Variants in ARHGEF3 observed in about 807,000 individuals in gnomAD.
ARHGEF3 encodes the protein Rho guanine nucleotide exchange factor 3, also known as 59.8 kDA protein.
ARHGEF3 carries 28 observed loss-of-function variants against 63.2 expected under a neutral mutation model. The observed-to-expected ratio is 0.44, with a 90% CI of 0.33 to 0.61. The LOEUF (loss-of-function observed/expected upper bound fraction) is 0.61, where lower values mean the gene tolerates loss of function less well. Ranked by LOEUF, ARHGEF3 falls within the 20% of genes least tolerant of loss-of-function variation. The pLI, the probability that ARHGEF3 is intolerant of heterozygous loss-of-function variation, is 0.03. For missense variants in ARHGEF3, 533 were observed against 659.3 expected, an observed-to-expected ratio of 0.81 and a Z score of 2.10; for synonymous variants, 266 against 254.2, an observed-to-expected ratio of 1.05 and a Z score of -0.44.
At chr3:56,961,717 G>C (rs1239609013) in intron 2 of ARHGEF3, among the ~76,000 whole-genome samples, 2 of 151,924 alleles carry the variant, frequency 1.3e-5, no homozygotes, top group Admixed American at 6.6e-5. Context: ...CACCATTCAG[G>C]CTTCCGGTCA....
At chr3:56,953,482 CCCTTTTGGTAACAACA>C (rs1699905286) in intron 3 of ARHGEF3, among the ~76,000 whole-genome samples, 1 of 152,210 alleles carries the variant, frequency 6.6e-6, no homozygotes, top group South Asian at 2.1e-4. Context: ...GAAACAGAGT[CCCTTTTGGTAACAACA>C]CCAAACTCTT....
intron 3 of ARHGEF3, among the ~76,000 whole-genome samples, chr3:56,884,442 A>G (rs982594047): frequency 2.6e-5 from 4 of 152,240 alleles, no homozygotes; most frequent in Non-Finnish European, 1.5e-5. Flanking sequence ...CCAAAGGTCA[A>G]TATGGTCCTA....
intron 4 of ARHGEF3, among the ~76,000 whole-genome samples, chr3:56,814,950 AAGACCT>A (rs2038212612): frequency 6.6e-6 from 1 of 152,072 alleles, no homozygotes; most frequent in Admixed American, 6.6e-5. Context: ...GCCACAAAGT[AAGACCT>A]CATCTCTACA....
intron 2 of ARHGEF3, chr3:56,960,855 T>G (rs896803007): frequency 6.6e-6 from 1 of 152,236 alleles, no homozygotes; most frequent in Non-Finnish European, 1.5e-5. Flanking sequence ...TAAAACAAAA[T>G]TTTTGGATTT....
intron 4 of ARHGEF3, among the ~76,000 whole-genome samples, chr3:56,808,644 T>A (rs1266124014): frequency 1.1e-5 from 1 of 93,842 alleles, no homozygotes; most frequent in South Asian, 2.5e-4. Flanking sequence ...AATTAGCAAA[T>A]TTTTTTGTTT....
chr3:56,960,858 T>C (rs1462316132), intron 2 of ARHGEF3: 2 of 152,226 alleles, frequency 1.3e-5, no homozygotes, highest in African/African-American at 4.8e-5. Context: ...AACAAAATTT[T>C]TGGATTTCAA....
chr3:56,816,132 T>C (rs1459134130), intron 4 of ARHGEF3, among the ~76,000 whole-genome samples: 1 of 152,170 alleles, frequency 6.6e-6, no homozygotes, highest in Non-Finnish European at 1.5e-5. Flanking sequence ...AGAGGATGGC[T>C]TGAGCCCAGG....
In ARHGEF3 at chr3:56,801,700, T is replaced by C; in HGVS notation, c.96+3A>G. The C allele has an allele frequency of 6.4e-7, 1 of 1,556,222 alleles. No individual in the cohort carries two copies. Among genetic ancestry groups the C allele is most frequent in the African/African-American group, 1.4e-5 (1 of 73,646 alleles). The stretch of plus-strand genomic sequence containing the variant: ...GAGGTCCAGGTGCAGGGCGCGGCCC[T>C]ACCTCAGCGTCCTTGGCCGGACCGC... On this transcript the variant is annotated splice_donor_region_variant and intron_variant, in intron 1 of 9. Coordinates refer to ENST00000296315, the MANE Select transcript of ARHGEF3 (RefSeq NM_019555.3).
rs943525345 is a variant in ARHGEF3 at position 56,782,020 on chromosome 3, G to A, written c.97-8204C>T. The stretch of plus-strand genomic sequence containing the variant: ...TGAGGAGGCCTTCATAGAGCTGCCT[G>A]AGCAAAGGAGGAGTAAGACTGTGGG... On this transcript the variant is annotated intron_variant, in intron 1 of 9. Coordinates refer to ENST00000296315, the MANE Select transcript of ARHGEF3 (RefSeq NM_019555.3). Among the ~76,000 whole-genome samples, 6 of 152,312 alleles carry A rather than the reference G, an allele frequency of 3.9e-5. 2 individuals carry two copies. The highest frequency in any genetic ancestry group is 6.5e-5 in the Admixed American group (1 of 15,296).
intron 1 of ARHGEF3, among the ~76,000 whole-genome samples, chr3:56,781,157 G>T (rs1326791161): frequency 2.0e-5 from 3 of 152,124 alleles, no homozygotes; most frequent in African/African-American, 7.2e-5. Flanking sequence ...ATGAAGGATT[G>T]CCAGCAAACA....
intron 4 of ARHGEF3, among the ~76,000 whole-genome samples, chr3:56,813,131 T>A (rs1055731645): frequency 6.6e-6 from 1 of 151,920 alleles, no homozygotes; most frequent in East Asian, 1.9e-4. Context: ...AATGAAAGAG[T>A]GCCCTGCAGG....
chr3:56,990,094 C>T (rs775532347), intron 2 of ARHGEF3, among the ~76,000 whole-genome samples: 1 of 152,252 alleles, frequency 6.6e-6, no homozygotes, highest in Non-Finnish European at 1.5e-5. Context: ...CCCCATCTAC[C>T]ATCTTCTTCC....
chr3:57,020,588 G>A (rs986878454), intron 2 of ARHGEF3, among the ~76,000 whole-genome samples: 1 of 152,240 alleles, frequency 6.6e-6, no homozygotes, highest in Non-Finnish European at 1.5e-5. Flanking sequence ...GAACAAGTGG[G>A]AATAAGCTTT....
intron 1 of ARHGEF3, among the ~76,000 whole-genome samples, chr3:56,774,334 T>C (rs2036174223): frequency 6.6e-6 from 1 of 152,176 alleles, no homozygotes; most frequent in Non-Finnish European, 1.5e-5. Context: ...GAAGTTCTAT[T>C]ACTGGGCTCT....
chr3:56,918,136 C>T (rs998209474), intron 3 of ARHGEF3, among the ~76,000 whole-genome samples: 16 of 152,158 alleles, frequency 1.1e-4, no homozygotes, highest in Non-Finnish European at 1.5e-4. Context: ...TAAATTTGAA[C>T]AAGCCTGTAA....
At chr3:56,849,702 G>T (rs1297552084) in intron 4 of ARHGEF3, among the ~76,000 whole-genome samples, 1 of 151,622 alleles carries the variant, frequency 6.6e-6, no homozygotes, top group Non-Finnish European at 1.5e-5. Flanking sequence ...ACCAGACAAA[G>T]AAAACACAGT....
chr3:56,829,777 T>C (rs2038863669), intron 4 of ARHGEF3, among the ~76,000 whole-genome samples: 1 of 152,146 alleles, frequency 6.6e-6, no homozygotes, highest in Admixed American at 6.5e-5. Flanking sequence ...ATTTCAGGGG[T>C]CAGGGAGAGA....
At chr3:57,078,671 G>T (rs7428860) in intron 1 of ARHGEF3, 102,390 of 152,242 alleles carry the variant, frequency 0.67, 35,753 homozygotes, top group Non-Finnish European at 0.75. Flanking sequence ...AAGGGCCTCA[G>T]GCAGGCTGGG....
chr3:56,978,850 C>G (rs1296148015), intron 2 of ARHGEF3, among the ~76,000 whole-genome samples: 2 of 152,230 alleles, frequency 1.3e-5, no homozygotes, highest in East Asian at 3.9e-4. Flanking sequence ...ACAATAGGAA[C>G]CAGTTATTAA....
Sources: gnomAD v4.1 joint callset for allele counts (sites outside exome capture counted in the v4.1 genomes callset) on GRCh38, gnomAD v4.1.1 for gene constraint, MANE v1.5 for transcripts, NCBI Gene and HGNC (gene_info 2026-07-23, HGNC 2026-07-21) for gene names.